Variants in ADAM15 observed in about 807,000 individuals in gnomAD.
The protein encoded by ADAM15 is ADAM metallopeptidase domain 15.
ADAM15 carries 77 observed loss-of-function variants against 113.8 expected under a neutral mutation model. That is an observed-to-expected ratio of 0.68 (90% CI 0.56 to 0.82). The LOEUF (loss-of-function observed/expected upper bound fraction) is 0.82, where lower values mean the gene tolerates loss of function less well. Among genes scored for constraint, ADAM15 ranks in the 40% least tolerant of loss-of-function variants. The pLI is 0.00. For missense variants in ADAM15, 963 were observed against 1,120.1 expected, an observed-to-expected ratio of 0.86 and a Z score of 2.00; for synonymous variants, 388 against 454.1, an observed-to-expected ratio of 0.85 and a Z score of 1.85.
At position 155,055,980 on chromosome 1, in the gene ADAM15, G is replaced by A; in HGVS notation, c.724G>A (p.Val242Met). ...GCACCTGCTAAACCGCACACTGGAA[G>A]TGGCCCTCTTGCTGGACACAGTGAG... ...FQHLLNRTLE[V>M]ALLLDTFFRP... Residue 242 changes from valine to methionine, a missense_variant, in exon 8 of 23, where the codon GTG becomes ATG. Transcript: ENST00000356955. 1 of 1,614,086 alleles carries A rather than the reference G, an allele frequency of 6.2e-7. No individual in the cohort carries two copies. The highest frequency in any genetic ancestry group is 8.5e-7 in the Non-Finnish European group (1 of 1,180,026).
At chr1:155,051,518 G>A in intron 1 of ADAM15, 53 bp downstream of exon 1, 1 of 1,463,964 alleles carries the variant, frequency 6.8e-7, no homozygotes, top group Non-Finnish European at 9.1e-7. Flanking sequence ...GGAGGTGCAG[G>A]AAAGTCGGAA....
rs750431629 is a variant in ADAM15 at position 155,056,079 on chromosome 1, G to A, written c.745-1G>A. The stretch of plus-strand genomic sequence containing the variant: ...TCTTCTGAGCCCCAGCTGTCTTTCA[G>A]TTCTTCCGGCCCCTGAATGTACGAG... On this transcript the variant is annotated splice_acceptor_variant, in intron 8 of 22. Coordinates refer to ENST00000356955, the MANE Select transcript of ADAM15 (RefSeq NM_207197.3). LOFTEE classifies it high-confidence loss of function. The surrounding 1 kb of genome is among the most constrained non-coding windows in gnomAD (Gnocchi z 4.0). 6.2e-7 allele frequency: 1 copy of A among 1,612,854 alleles called. No homozygotes were observed. Among genetic ancestry groups the A allele is most frequent in the East Asian group, 2.2e-5 (1 of 44,882 alleles).
At position 155,056,490 on chromosome 1, in the gene ADAM15, C is replaced by T; in HGVS notation, c.999+20C>T. 1 of 1,605,570 alleles carries T rather than the reference C, an allele frequency of 6.2e-7. No homozygotes were observed. The highest frequency in any genetic ancestry group is 1.1e-5 in the South Asian group (1 of 90,834). On this transcript the variant is annotated intron_variant, in intron 10 of 22. Coordinates refer to ENST00000356955, the MANE Select transcript of ADAM15 (RefSeq NM_207197.3). The surrounding 1 kb of genome is among the most constrained non-coding windows in gnomAD (Gnocchi z 4.0). ...AACATGGTGAGTTATTTCCAGGTCT[C>T]CTCCTCATTCCCAATTCAGTTCCTC... is the stretch of plus-strand genomic sequence containing the variant.
chr1:155,053,862 G>C (rs777861231), intron 3 of ADAM15, 48 bp from the exon 4 acceptor site: 2 of 1,597,694 alleles, frequency 1.3e-6, no homozygotes, highest in African/African-American at 1.3e-5. Flanking sequence ...GTCAATGCAC[G>C]ACCTGGGAAG....
chr1:155,052,859 C>T, intron 2 of ADAM15, 82 bp downstream of exon 2: 1 of 1,506,158 alleles, frequency 6.6e-7, no homozygotes, highest in African/African-American at 1.4e-5. Flanking sequence ...CAAAGCTTGG[C>T]TGAGGAGCTG....
rs1571616423 is a variant in ADAM15, at chr1:155,057,521, C to G, written c.1324-116C>G. ...GGGACAGCACATGGGTTGTTGGGCT[C>G]TAGCCCTCGCTTGCTGTGTAGCTTC... is the stretch of plus-strand genomic sequence containing the variant. On this transcript the variant is annotated intron_variant, in intron 12 of 22. Transcript: ENST00000356955. This position sits in a 1 kb window ranked among gnomAD's most constrained non-coding sequence, Gnocchi z 5.0. 2 of 1,494,334 alleles carry G rather than the reference C, an allele frequency of 1.3e-6. No homozygotes were observed. The highest frequency in any genetic ancestry group is 2.3e-5 in the East Asian group (1 of 43,994). 92.6% of individuals were successfully genotyped at this position (1,494,334 alleles called of 1,614,324 possible).
Position 155,062,020 on chromosome 1 carries a change from G to C in ADAM15, c.2424+45G>C. Reference sequence around the variant, plus strand: ...AGGGCACGGCCTCTCCCCCCACCTAGGGCTGTGGTGCTGGTAGCCATGACG... The same window carrying C: ...AGGGCACGGCCTCTCCCCCCACCTACGGCTGTGGTGCTGGTAGCCATGACG... On this transcript the variant is annotated intron_variant, in intron 21 of 22. Coordinates refer to ENST00000356955, the MANE Select transcript of ADAM15 (RefSeq NM_207197.3). The surrounding 1 kb of genome is among the most constrained non-coding windows in gnomAD (Gnocchi z 7.0). 2 of 1,502,544 alleles carry C rather than the reference G, an allele frequency of 1.3e-6. No individual in the cohort carries two copies. Among genetic ancestry groups the C allele is most frequent in the Non-Finnish European group, 1.8e-6 (2 of 1,124,558 alleles). 93.1% of individuals were successfully genotyped at this position (1,502,544 alleles called of 1,614,324 possible). A position where few individuals can be genotyped will look rare whatever the true frequency, so the allele number is the denominator to read the frequency against.
chr1:155,054,770 C>T lies in ADAM15; in HGVS notation c.612+264C>T, dbSNP rs144536711. ...CCGTAGTTCCAGCCACTCAGGAGGC[C>T]GAAGTGGAAGAATCGCTTGAGCCCA... On this transcript the variant is annotated intron_variant, in intron 6 of 22. Transcript: ENST00000356955. 3.6e-3 allele frequency among the ~76,000 whole-genome samples: 552 copies of T among 151,890 alleles called. 2 individuals are homozygous for T. The highest frequency in any genetic ancestry group is 0.011 in the African/African-American group (467 of 41,404).
intron 2 of ADAM15, among the ~76,000 whole-genome samples, chr1:155,053,178 G>A (rs1270369775): frequency 2.1e-5 from 3 of 142,880 alleles, no homozygotes; most frequent in African/African-American, 2.6e-5. Context: ...GTCCTACACG[G>A]TGCTTCCTCT....
chr1:155,051,545 G>A (rs1200583497), intron 1 of ADAM15, 80 bp downstream of exon 1: 2 of 1,334,514 alleles, frequency 1.5e-6, no homozygotes, highest in Non-Finnish European at 2.0e-6. Context: ...AGGGTAATGG[G>A]GCCGGACGGA....
chr1:155,062,015 A>T lies in ADAM15; in HGVS notation c.2424+40A>T. 1.3e-6 allele frequency: 2 copies of T among 1,501,694 alleles called. No individual in the cohort carries two copies. Among genetic ancestry groups the T allele is most frequent in the South Asian group, 2.7e-5 (2 of 74,078 alleles). 93.0% of individuals were successfully genotyped at this position (1,501,694 alleles called of 1,614,324 possible). On this transcript the variant is annotated intron_variant, in intron 21 of 22. Transcript: ENST00000356955. The surrounding 1 kb of genome is among the most constrained non-coding windows in gnomAD (Gnocchi z 7.0). Reference sequence around the variant, plus strand: ...AGAGAAGGGCACGGCCTCTCCCCCCACCTAGGGCTGTGGTGCTGGTAGCCA... The same window carrying T: ...AGAGAAGGGCACGGCCTCTCCCCCCTCCTAGGGCTGTGGTGCTGGTAGCCA...
At position 155,062,553 on chromosome 1, in the gene ADAM15, C is replaced by G. The variant is rs780417758; in HGVS notation, c.*51C>G. On this transcript the variant is annotated 3_prime_UTR_variant, in exon 23 of 23. Coordinates refer to ENST00000356955, the MANE Select transcript of ADAM15 (RefSeq NM_207197.3). The surrounding 1 kb of genome is among the most constrained non-coding windows in gnomAD (Gnocchi z 7.0). Reference sequence around the variant, plus strand: ...AAGCCGGACTTAGGGCTTCAAGAGGCGGGCGTGCCCTCTGGAGTCCCCTAC... The same window carrying G: ...AAGCCGGACTTAGGGCTTCAAGAGGGGGGCGTGCCCTCTGGAGTCCCCTAC... 3.8e-5 allele frequency: 60 copies of G among 1,598,094 alleles called. No individual in the cohort carries two copies. The highest frequency in any genetic ancestry group is 5.0e-5 in the Non-Finnish European group (59 of 1,172,672).
rs781759421 is a variant in ADAM15 at position 155,059,882 on chromosome 1, G to A, written c.1996-20G>A. The A allele has an allele frequency of 1.2e-6, 2 of 1,612,588 alleles. No homozygotes were observed. The highest frequency in any genetic ancestry group is 2.7e-5 in the African/African-American group (2 of 74,834). On this transcript the variant is annotated intron_variant, in intron 16 of 22. Transcript: ENST00000356955. ...GTTCCAGAGTGCAGAGCTCCTCATT[G>A]CTCGCCTTGTACCTCCTAGGTCTGT...
At position 155,058,081 on chromosome 1, in the gene ADAM15, A is replaced by C. The variant is rs11264303; in HGVS notation, c.1647A>C (p.Thr549=). Residue 549 remains threonine (T), a synonymous_variant, in exon 14 of 23, where the codon ACA becomes ACC. Transcript: ENST00000356955. This position sits in a 1 kb window ranked among gnomAD's most constrained non-coding sequence, Gnocchi z 4.3. The part of the protein sequence containing the change: ...AQPAAPLCLQ[T]ANTRGNAFGS... ...CCGCTGCGCCACTTTGCCTCCAGACAGCTAATACTCGGGGAAATGCTTTTG... is the reference window on the plus strand; with the variant it reads ...CCGCTGCGCCACTTTGCCTCCAGACCGCTAATACTCGGGGAAATGCTTTTG... 785,493 of 1,613,804 alleles carry C rather than the reference A, an allele frequency of 0.49. 201,563 individuals carry two copies. Among genetic ancestry groups the C allele is most frequent in the Non-Finnish European group, 0.53 (628,521 of 1,179,898 alleles).
chr1:155,057,073 A>G lies in ADAM15; in HGVS notation c.1120A>G (p.Lys374Glu). ...CCCCTGTCCAGGTCCAGCCCCAGCC[A>G]AGACCTGCATCATGGAGGCCTCCAC... ...SCPCPGPAPAKTCIMEASTDF... is the reference protein window; with the variant it reads ...SCPCPGPAPAETCIMEASTDF... Residue 374 changes from lysine to glutamate, a missense_variant, in exon 11 of 23, where the codon AAG becomes GAG. Physicochemically the swap from Lys to Glu is moderately conservative, Grantham distance 56 (BLOSUM62 1). Transcript: ENST00000356955. The surrounding 1 kb of genome is among the most constrained non-coding windows in gnomAD (Gnocchi z 5.0). The G allele has an allele frequency of 1.3e-6, 2 of 1,581,650 alleles. No individual in the cohort carries two copies. Among genetic ancestry groups the G allele is most frequent in the South Asian group, 2.3e-5 (2 of 87,012 alleles).
chr1:155,057,788 G>A lies in ADAM15; in HGVS notation c.1416+59G>A, dbSNP rs1661996872. The stretch of plus-strand genomic sequence containing the variant: ...ACCTGCCGGGGCCAAGGTGGAAAGG[G>A]TCATTCTGACCCCCGGCTGGATTTG... On this transcript the variant is annotated intron_variant, in intron 13 of 22. Transcript: ENST00000356955. The surrounding 1 kb of genome is among the most constrained non-coding windows in gnomAD (Gnocchi z 5.0). 6.2e-7 allele frequency: 1 copy of A among 1,613,504 alleles called. No individual in the cohort carries two copies. Among genetic ancestry groups the A allele is most frequent in the African/African-American group, 1.3e-5 (1 of 74,914 alleles).
At position 155,060,326 on chromosome 1, in the gene ADAM15, A is replaced by ACC; in HGVS notation, c.2192_2193dup (p.Thr732ProfsTer74). 1 of 1,613,358 alleles carries ACC rather than the reference A, an allele frequency of 6.2e-7. No individual in the cohort carries two copies. The highest frequency in any genetic ancestry group is 1.3e-5 in the African/African-American group (1 of 74,934). On this transcript the variant is annotated frameshift_variant, in exon 18 of 23. Coordinates refer to ENST00000356955, the MANE Select transcript of ADAM15 (RefSeq NM_207197.3). LOFTEE classifies it high-confidence loss of function. ...ACCAGCGACTCTGCCAGCTCAAGGG[A>ACC]CCCACCTGCCAGTACAGGTATGAGC...
At position 155,062,700 on chromosome 1, in the gene ADAM15, G is replaced by T. The variant is rs984158171; in HGVS notation, c.*198G>T. On this transcript the variant is annotated 3_prime_UTR_variant, in exon 23 of 23. Coordinates refer to ENST00000356955, the MANE Select transcript of ADAM15 (RefSeq NM_207197.3). The surrounding 1 kb of genome is among the most constrained non-coding windows in gnomAD (Gnocchi z 7.0). ...AGCGGGGGCTTGGGGAGGGGCTGGGGGTTGGACGGGATTGAGGAAGGTCCG... is the reference window on the plus strand; with the variant it reads ...AGCGGGGGCTTGGGGAGGGGCTGGGTGTTGGACGGGATTGAGGAAGGTCCG... 1 of 708,514 alleles carries T rather than the reference G, an allele frequency of 1.4e-6. No homozygotes were observed. The highest frequency in any genetic ancestry group is 1.9e-5 in the South Asian group (1 of 52,370). 43.9% of individuals were successfully genotyped at this position (708,514 alleles called of 1,614,324 possible).
chr1:155,055,427 C>T (rs922956189), intron 6 of ADAM15: 2 of 260,640 alleles, frequency 7.7e-6, no homozygotes, highest in African/African-American at 2.2e-5. Flanking sequence ...AGGGTTTCAC[C>T]GTGTTATCCA....
Sources: gnomAD v4.1 joint callset for allele counts (sites outside exome capture counted in the v4.1 genomes callset) on GRCh38, gnomAD v4.1.1 for gene constraint, Gnocchi (gnomAD v3.1) non-coding constraint, MANE v1.5 for transcripts, NCBI Gene and HGNC (gene_info 2026-07-23, HGNC 2026-07-21) for gene names.